Variants in SEPTIN2 observed in about 807,000 individuals in gnomAD.
The protein encoded by SEPTIN2 is septin-2.
A neutral mutation model predicts 46.5 loss-of-function variants in SEPTIN2; 34 were observed. The observed-to-expected ratio is 0.73, with a 90% CI of 0.56 to 0.97. The LOEUF (loss-of-function observed/expected upper bound fraction) is 0.97, where lower values mean the gene tolerates loss of function less well. Ranked by LOEUF, SEPTIN2 falls within the 50% of genes least tolerant of loss-of-function variation. The pLI is 0.00. For missense variants in SEPTIN2, 347 were observed against 448.4 expected (o/e 0.77, Z 2.04); for synonymous variants, 175 against 153.4 (o/e 1.14, Z -1.04).
At chr2:241,317,380 G>C (rs573837260) in intron 1 of SEPTIN2, 58 of 200,602 alleles carry the variant, frequency 2.9e-4, no homozygotes, top group Non-Finnish European at 4.5e-4. Context: ...GTTTTAATTA[G>C]ATCAGATTTA....
At chr2:241,316,370 T>TA (rs1362832325) in intron 1 of SEPTIN2, 1 of 844,494 alleles carries the variant, frequency 1.2e-6, no homozygotes, top group Non-Finnish European at 1.7e-6. Flanking sequence ...GACAAACACT[T>TA]AGAGCTTGTG....
chr2:241,318,601 G>A (rs1469936446), intron 1 of SEPTIN2, among the ~76,000 whole-genome samples: 2 of 151,782 alleles, frequency 1.3e-5, no homozygotes. Context: ...TCTATTCCTT[G>A]ATATTTGTTG....
intron 1 of SEPTIN2, chr2:241,320,210 G>A (rs1172532880): frequency 2.1e-6 from 1 of 470,982 alleles, no homozygotes; most frequent in East Asian, 6.9e-5. Flanking sequence ...TAGAGGCTTG[G>A]AATAGTTAAA....
chr2:241,328,029 G>C (rs1485068550), intron 3 of SEPTIN2, among the ~76,000 whole-genome samples: 1 of 152,122 alleles, frequency 6.6e-6, no homozygotes, highest in Non-Finnish European at 1.5e-5. Context: ...CTCCAGTCTG[G>C]GTGACAGAGT....
At position 241,338,699 on chromosome 2, in the gene SEPTIN2, A is replaced by ACATT. The variant is rs1465082928; in HGVS notation, c.594+909_594+910insCATT. On this transcript the variant is annotated intron_variant, in intron 7 of 12. Coordinates refer to ENST00000391971, the MANE Select transcript of SEPTIN2 (RefSeq NM_004404.5). ...TTATATTACATATGTAATATATATT[A>ACATT]TATTTATATTATTTATATAATATAT... is the stretch of plus-strand genomic sequence containing the variant. Among the ~76,000 whole-genome samples the ACATT allele has an allele frequency of 1.4e-3, 161 of 111,942 alleles. 1 individual carries two copies. Among genetic ancestry groups the ACATT allele is most frequent in the Non-Finnish European group, 2.3e-3 (133 of 57,862 alleles). 73.4% of individuals were successfully genotyped at this position (111,942 alleles called of 152,430 possible). A position where few individuals can be genotyped will look rare whatever the true frequency, so the allele number is the denominator to read the frequency against.
At chr2:241,334,085 C>T (rs759752488) in intron 3 of SEPTIN2, among the ~76,000 whole-genome samples, 22 of 152,068 alleles carry the variant, frequency 1.4e-4, no homozygotes, top group African/African-American at 2.2e-4. Context: ...TTTGCCCAGG[C>T]GGGGTCTTGA....
intron 2 of SEPTIN2, 139 bp from the exon 3 acceptor site, chr2:241,325,854 T>C (rs1428835394): frequency 1.5e-6 from 1 of 675,152 alleles, no homozygotes; most frequent in Non-Finnish European, 2.3e-6. Flanking sequence ...GATAGAAGTA[T>C]GACCTTCTGG....
At chr2:241,330,473 T>C (rs747220898) in intron 3 of SEPTIN2, among the ~76,000 whole-genome samples, 1 of 152,106 alleles carries the variant, frequency 6.6e-6, no homozygotes, top group Non-Finnish European at 1.5e-5. Flanking sequence ...TTTTCTAAAG[T>C]TGGAAAGTCA....
At position 241,337,524 on chromosome 2, in the gene SEPTIN2, AT is replaced by A; in HGVS notation, c.476+10del. The A allele has an allele frequency of 6.2e-7, 1 of 1,613,214 alleles. No homozygotes were observed. Among genetic ancestry groups the A allele is most frequent in the South Asian group, 1.1e-5 (1 of 90,904 alleles). On this transcript the variant is annotated intron_variant, in intron 6 of 12. Transcript: ENST00000391971. ...TTCACCTTTTGGACATGGGTAAGTA[AT>A]TGTTTATCGTGGAGAAATGCTTTAC... is the stretch of plus-strand genomic sequence containing the variant.
At chr2:241,324,435 T>G (rs939404814) in intron 2 of SEPTIN2, 194 bp downstream of exon 2, 2 of 537,850 alleles carry the variant, frequency 3.7e-6, no homozygotes, top group Non-Finnish European at 6.7e-6. Context: ...GTCACCAGGC[T>G]GGAGTGCAGT....
In SEPTIN2 at chr2:241,335,106, GTTTTTC is replaced by G. The variant is rs1230877726; in HGVS notation, c.131-14_131-9del. On this transcript the variant is annotated splice_polypyrimidine_tract_variant and intron_variant, in intron 3 of 12. Coordinates refer to ENST00000391971, the MANE Select transcript of SEPTIN2 (RefSeq NM_004404.5). ...GTCATATGAATAAGGTCATGACAAGGTTTTTCTTTTTATTTAAAGGTGAATCAGGTC... is the reference window on the plus strand; with the variant it reads ...GTCATATGAATAAGGTCATGACAAGGTTTTTATTTAAAGGTGAATCAGGTC... The G allele has an allele frequency of 6.4e-7, 1 of 1,569,350 alleles. No homozygotes were observed. Among genetic ancestry groups the G allele is most frequent in the Non-Finnish European group, 8.8e-7 (1 of 1,141,962 alleles).
At chr2:241,343,147 A>G (rs1400967865) in intron 8 of SEPTIN2, 54 bp downstream of exon 8, 8 of 1,019,440 alleles carry the variant, frequency 7.8e-6, no homozygotes, top group Admixed American at 1.9e-5. Context: ...ACTGTTGTCC[A>G]TGTTGAGGTG....
At chr2:241,340,725 C>G (rs1010913829) in intron 7 of SEPTIN2, among the ~76,000 whole-genome samples, 1 of 152,134 alleles carries the variant, frequency 6.6e-6, no homozygotes, top group Admixed American at 6.5e-5. Context: ...TGAGATGAAT[C>G]GAAATACTTC....
intron 3 of SEPTIN2, among the ~76,000 whole-genome samples, chr2:241,330,733 A>G (rs964679436): frequency 2.0e-5 from 3 of 152,228 alleles, no homozygotes; most frequent in African/African-American, 7.2e-5. Flanking sequence ...TCTCATTTTC[A>G]AATTAGGACT....
Position 241,337,809 on chromosome 2 carries a change from C to T in SEPTIN2, c.594+19C>T. 1 of 1,567,472 alleles carries T rather than the reference C, an allele frequency of 6.4e-7. No homozygotes were observed. Among genetic ancestry groups the T allele is most frequent in the Non-Finnish European group, 8.8e-7 (1 of 1,137,894 alleles). On this transcript the variant is annotated intron_variant, in intron 7 of 12. Transcript: ENST00000391971. ...GAAAAGGGTGAGTGAGGCTGGCGTC[C>T]TGCCCTCCCTCTGGGTGCGACTCGG...
chr2:241,330,141 C>T (rs1436715143), intron 3 of SEPTIN2, among the ~76,000 whole-genome samples: 3 of 151,994 alleles, frequency 2.0e-5, no homozygotes, highest in South Asian at 2.1e-4. Flanking sequence ...TAAATCTTAC[C>T]GAGTCCAGCA....
intron 1 of SEPTIN2, among the ~76,000 whole-genome samples, chr2:241,322,984 G>A (rs1178617246): frequency 6.6e-6 from 1 of 151,244 alleles, no homozygotes; most frequent in African/African-American, 2.4e-5. Flanking sequence ...TATGGAATAT[G>A]TGCGTACATA....
chr2:241,336,266 A>C, intron 5 of SEPTIN2, 168 bp downstream of exon 5: 1 of 742,620 alleles, frequency 1.3e-6, no homozygotes, highest in Non-Finnish European at 2.1e-6. Context: ...GGAATTTTAT[A>C]GAGAGTAATT....
At chr2:241,328,291 G>T (rs1454033060) in intron 3 of SEPTIN2, among the ~76,000 whole-genome samples, 4 of 151,922 alleles carry the variant, frequency 2.6e-5, no homozygotes, top group Non-Finnish European at 5.9e-5. Context: ...AAAAACCTGG[G>T]CGTGGTGGTG....
Sources: gnomAD v4.1 joint callset for allele counts (sites outside exome capture counted in the v4.1 genomes callset) on GRCh38, gnomAD v4.1.1 for gene constraint, MANE v1.5 for transcripts, NCBI Gene and HGNC (gene_info 2026-07-23, HGNC 2026-07-21) for gene names.